The following DCC variants were observed in gnomAD, a reference collection of about 807,000 sequenced individuals.
DCC encodes the protein netrin receptor DCC.
DCC carries 58 observed loss-of-function variants against 172.5 expected under a neutral mutation model. The observed-to-expected ratio is 0.34, with a 90% CI of 0.27 to 0.42. The LOEUF is 0.42. DCC is among the 10% of genes least tolerant of loss of function. DCC has a pLI of 1.00. For missense variants in DCC, 1,740 were observed against 1,791.0 expected (o/e 0.97, Z 0.51); for synonymous variants, 709 against 644.5 (o/e 1.10, Z -1.52).
intron 21 of DCC, among the ~76,000 whole-genome samples, chr18:53,424,433 A>G (rs977512349): frequency 2.0e-5 from 3 of 152,184 alleles, no homozygotes; most frequent in Non-Finnish European, 4.4e-5. Flanking sequence ...CATTTTCAAG[A>G]AGCTTGCAAT....
At chr18:53,391,617 T>G (rs1908549876) in intron 16 of DCC, 38 bp from the exon 17 acceptor site, 3 of 1,304,794 alleles carry the variant, frequency 2.3e-6, no homozygotes, top group Non-Finnish European at 3.3e-6. Context: ...ATTTACGTAT[T>G]TATTTGTTTG....
chr18:53,416,567 A>AT (rs1910322413), intron 21 of DCC: 1 of 246,142 alleles, frequency 4.1e-6, no homozygotes, highest in Non-Finnish European at 8.2e-6. Context: ...ATTATGTGTG[A>AT]TTTTCCTCTG....
At chr18:52,680,071 C>T (rs1046002697) in intron 1 of DCC, among the ~76,000 whole-genome samples, 2 of 152,096 alleles carry the variant, frequency 1.3e-5, no homozygotes, top group Non-Finnish European at 2.9e-5. Flanking sequence ...GGCATCACAT[C>T]AGGCTTAGAG....
chr18:53,425,844 T>A (rs1016741045), intron 21 of DCC, among the ~76,000 whole-genome samples: 1 of 152,186 alleles, frequency 6.6e-6, no homozygotes. Context: ...AATATTGCCA[T>A]ATTTATTGGA....
At chr18:52,909,696 TA>T (rs1346399598) in intron 3 of DCC, among the ~76,000 whole-genome samples, 2 of 152,194 alleles carry the variant, frequency 1.3e-5, no homozygotes, top group Non-Finnish European at 2.9e-5. Context: ...AGTTTCACTT[TA>T]TTCATTACGT....
intron 3 of DCC, among the ~76,000 whole-genome samples, chr18:52,915,971 A>G (rs2040033162): frequency 6.6e-6 from 1 of 151,926 alleles, no homozygotes; most frequent in Non-Finnish European, 1.5e-5. Context: ...CTGCGAGGTC[A>G]AAGATTTATT....
At chr18:52,366,780 C>G (rs1052807733) in intron 1 of DCC, among the ~76,000 whole-genome samples, 1 of 152,202 alleles carries the variant, frequency 6.6e-6, no homozygotes, top group Non-Finnish European at 1.5e-5. Context: ...ATTTACAATC[C>G]CTGAGCTAGA....
intron 1 of DCC, among the ~76,000 whole-genome samples, chr18:52,533,516 T>G (rs1168001735): frequency 6.6e-6 from 1 of 152,046 alleles, no homozygotes; most frequent in Non-Finnish European, 1.5e-5. Context: ...GGGATTGACT[T>G]TTTTTTGCTT....
chr18:52,614,773 T>C (rs1417109132), intron 1 of DCC, among the ~76,000 whole-genome samples: 2 of 152,032 alleles, frequency 1.3e-5, no homozygotes, highest in Admixed American at 1.3e-4. Context: ...AAAAAAAATC[T>C]CAAATTTCAA....
Position 52,800,294 on chromosome 18 carries a change from A to G in DCC, c.412+47920A>G, listed in dbSNP as rs537302606. On this transcript the variant is annotated intron_variant, in intron 2 of 28. Coordinates refer to ENST00000442544, the MANE Select transcript of DCC (RefSeq NM_005215.4). ...AATATGACATTCAATGTTTTAAATG[A>G]GTCATTAAACAAAGAATATTCCAAT... is the stretch of plus-strand genomic sequence containing the variant. Among the ~76,000 whole-genome samples, 10 of 151,956 alleles carry G rather than the reference A, an allele frequency of 6.6e-5. No individual in the cohort carries two copies. In the South Asian group the frequency reaches 2.1e-3, roughly 32 times the overall value.
chr18:53,081,634 C>T (rs780760983), intron 7 of DCC, among the ~76,000 whole-genome samples: 28 of 151,952 alleles, frequency 1.8e-4, no homozygotes, highest in Non-Finnish European at 3.8e-4. Flanking sequence ...TTGAACTGTA[C>T]ACAGCTAATG....
intron 21 of DCC, among the ~76,000 whole-genome samples, chr18:53,418,531 A>G (rs9807529): frequency 0.32 from 48,588 of 152,040 alleles, 9,441 homozygotes; most frequent in Non-Finnish European, 0.45. Flanking sequence ...TTATGACAGG[A>G]GCTGAGTTTC....
intron 1 of DCC, among the ~76,000 whole-genome samples, chr18:52,672,095 C>T (rs565189560): frequency 3.3e-5 from 5 of 152,162 alleles, no homozygotes; most frequent in African/African-American, 1.2e-4. Flanking sequence ...ATATTAACCT[C>T]TATGTACAAA....
chr18:53,170,287 C>G (rs1434120611), intron 8 of DCC, among the ~76,000 whole-genome samples: 1 of 152,142 alleles, frequency 6.6e-6, no homozygotes, highest in African/African-American at 2.4e-5. Context: ...TTCTCAGTGT[C>G]CCTCAGAGAG....
chr18:53,133,902 A>T (rs896711089), intron 7 of DCC, among the ~76,000 whole-genome samples: 3 of 152,194 alleles, frequency 2.0e-5, no homozygotes, highest in African/African-American at 7.2e-5. Flanking sequence ...CAGAGTTTAG[A>T]TGTTGGAATT....
chr18:52,657,812 A>G (rs2035283496), intron 1 of DCC, among the ~76,000 whole-genome samples: 1 of 152,174 alleles, frequency 6.6e-6, no homozygotes, highest in African/African-American at 2.4e-5. Flanking sequence ...GCATTTTACT[A>G]GGCTCATAAA....
At chr18:52,925,053 G>A (rs557501004) in intron 4 of DCC, among the ~76,000 whole-genome samples, 181 bp from the exon 5 acceptor site, 3 of 151,990 alleles carry the variant, frequency 2.0e-5, no homozygotes, top group East Asian at 3.9e-4. Context: ...CTTCCAATGG[G>A]AGTAGTTTAC....
In DCC at chr18:53,429,127, A is replaced by ATC. The variant is rs1275557509; in HGVS notation, c.3164-6016_3164-6015insCT. Among the ~76,000 whole-genome samples, 89 of 98,554 alleles carry ATC rather than the reference A, an allele frequency of 9.0e-4. 11 individuals carry two copies. The East Asian group carries it at 0.021, about 23-fold the overall frequency. 64.7% of individuals were successfully genotyped at this position (98,554 alleles called of 152,430 possible). A position where few individuals can be genotyped will look rare whatever the true frequency, so the allele number is the denominator to read the frequency against. On this transcript the variant is annotated intron_variant, in intron 21 of 28. Coordinates refer to ENST00000442544, the MANE Select transcript of DCC (RefSeq NM_005215.4). ...TATAATATATATATTTTATATATAT[A>ATC]TAAATATATATATATCGGTTGGTCT... is the stretch of plus-strand genomic sequence containing the variant.
chr18:53,077,381 A>G (rs1324695327), intron 7 of DCC, among the ~76,000 whole-genome samples: 2 of 152,144 alleles, frequency 1.3e-5, no homozygotes, highest in Non-Finnish European at 2.9e-5. Flanking sequence ...CCACATACCC[A>G]CAGACCAAGC....
Sources: gnomAD v4.1 joint callset for allele counts (sites outside exome capture counted in the v4.1 genomes callset) on GRCh38, gnomAD v4.1.1 for gene constraint, MANE v1.5 for transcripts, NCBI Gene and HGNC (gene_info 2026-07-23, HGNC 2026-07-21) for gene names.